Variants in CDH13 observed in about 807,000 individuals in gnomAD.
CDH13 encodes cadherin-13.
In CDH13, 24 loss-of-function variants were observed where a neutral mutation model predicts 63.8. The ratio of observed to expected loss-of-function variants is 0.38; its 90% confidence interval spans 0.27 to 0.53. CDH13 has a LOEUF of 0.53. Ranked by LOEUF, CDH13 falls within the 20% of genes least tolerant of loss-of-function variation. CDH13 has a pLI of 0.85. For missense variants in CDH13, 1,049 were observed against 903.1 expected, an observed-to-expected ratio of 1.16 and a Z score of -2.07; for synonymous variants, 503 against 355.3, an observed-to-expected ratio of 1.42 and a Z score of -4.67.
intron 3 of CDH13, among the ~76,000 whole-genome samples, chr16:83,076,809 T>C (rs72796250): frequency 0.054 from 8,158 of 152,272 alleles, 251 homozygotes; most frequent in South Asian, 0.12. Flanking sequence ...AAAATTTACA[T>C]ACTATGAAAC....
chr16:83,437,930 C>A (rs1262218833), intron 6 of CDH13, among the ~76,000 whole-genome samples: 2 of 152,124 alleles, frequency 1.3e-5, no homozygotes, highest in Non-Finnish European at 2.9e-5. Context: ...CCTTCTGCTT[C>A]CTCAAGATCT....
chr16:83,325,130 T>C (rs2090331498), intron 5 of CDH13, among the ~76,000 whole-genome samples: 2 of 152,220 alleles, frequency 1.3e-5, no homozygotes, highest in Admixed American at 6.5e-5. Flanking sequence ...CTTCCATGTT[T>C]CATAAGTTCT....
intron 1 of CDH13, among the ~76,000 whole-genome samples, chr16:82,850,772 A>G (rs565860116): frequency 7.9e-5 from 12 of 152,226 alleles, no homozygotes; most frequent in African/African-American, 2.4e-4. Context: ...AGCAGCCACC[A>G]AAATGGAGGC....
intron 10 of CDH13, among the ~76,000 whole-genome samples, chr16:83,700,423 G>C (rs184140910): frequency 6.6e-6 from 1 of 152,160 alleles, no homozygotes; most frequent in African/African-American, 2.4e-5. Flanking sequence ...TTTTTCTCCC[G>C]ATTAAAAATA....
chr16:83,368,874 G>C (rs1413548825), intron 6 of CDH13, among the ~76,000 whole-genome samples: 3 of 80,942 alleles, frequency 3.7e-5, no homozygotes, highest in Non-Finnish European at 7.0e-5. Context: ...CTGAGTAGTA[G>C]TATTCCATGT....
intron 6 of CDH13, among the ~76,000 whole-genome samples, chr16:83,345,283 A>G (rs923237408): frequency 1.3e-5 from 2 of 152,240 alleles, no homozygotes; most frequent in African/African-American, 4.8e-5. Context: ...GTTGGGCACC[A>G]TGTAAATATC....
chr16:83,509,531 A>T (rs910599039), intron 7 of CDH13, among the ~76,000 whole-genome samples: 38 of 152,356 alleles, frequency 2.5e-4, no homozygotes, highest in African/African-American at 6.5e-4. Flanking sequence ...TTACAAAAGC[A>T]GATGGTGGGC....
intron 3 of CDH13, among the ~76,000 whole-genome samples, chr16:83,057,822 C>T (rs558628651): frequency 2.0e-5 from 3 of 152,282 alleles, no homozygotes; most frequent in East Asian, 3.9e-4. Context: ...GTGCTTCCAG[C>T]ACACTTGTAT....
intron 2 of CDH13, among the ~76,000 whole-genome samples, chr16:82,897,857 A>G (rs555940429): frequency 6.6e-6 from 1 of 152,298 alleles, no homozygotes; most frequent in Admixed American, 6.5e-5. Flanking sequence ...TTCATTTATC[A>G]TTGGCCATTT....
At chr16:83,287,751 A>G (rs764441084) in intron 5 of CDH13, among the ~76,000 whole-genome samples, 31 of 152,126 alleles carry the variant, frequency 2.0e-4, no homozygotes, top group Non-Finnish European at 4.1e-4. Context: ...AATCATCCCC[A>G]AGTCATCCCC....
chr16:83,384,779 T>C (rs1012455904), intron 6 of CDH13, among the ~76,000 whole-genome samples: 10 of 152,380 alleles, frequency 6.6e-5, no homozygotes, highest in Middle Eastern at 3.4e-3. Flanking sequence ...TCTTCAGGCA[T>C]GCGCTTGGCT....
At chr16:83,250,057 G>T (rs915599984) in intron 5 of CDH13, among the ~76,000 whole-genome samples, 1 of 152,158 alleles carries the variant, frequency 6.6e-6, no homozygotes, top group Non-Finnish European at 1.5e-5. Flanking sequence ...AGTTATCCAA[G>T]ACCTTTAGTT....
At chr16:82,727,520 C>G (rs1035338212) in intron 1 of CDH13, 1 of 152,104 alleles carries the variant, frequency 6.6e-6, no homozygotes, top group Non-Finnish European at 1.5e-5. Flanking sequence ...ATTAGCCGCA[C>G]TTAGAGTTAA....
chr16:82,738,272 C>A (rs1255255439), intron 1 of CDH13, among the ~76,000 whole-genome samples: 1 of 152,158 alleles, frequency 6.6e-6, no homozygotes, highest in East Asian at 1.9e-4. Context: ...ACTGCATGGC[C>A]AATATGTTAT....
At chr16:83,737,571 C>A (rs1206882821) in intron 10 of CDH13, among the ~76,000 whole-genome samples, 1 of 152,046 alleles carries the variant, frequency 6.6e-6, no homozygotes, top group Non-Finnish European at 1.5e-5. Context: ...GAGTTATTCC[C>A]CACTAAGGAA....
In CDH13 at chr16:82,846,240, A is replaced by G. The variant is rs80098692; in HGVS notation, c.46-12122A>G. Reference sequence around the variant, plus strand: ...TTTCTAATATGTCCTTGTCTGTGACATGGTCCCAGTCCTTATTTTCATCCA... The same window carrying G: ...TTTCTAATATGTCCTTGTCTGTGACGTGGTCCCAGTCCTTATTTTCATCCA... On this transcript the variant is annotated intron_variant, in intron 1 of 13. Transcript: ENST00000567109. Among the ~76,000 whole-genome samples the G allele has an allele frequency of 3.3e-5, 5 of 152,300 alleles. No homozygotes were observed. The East Asian group carries it at 9.6e-4, about 29-fold the overall frequency.
In CDH13 at chr16:82,719,731, G is replaced by A. The variant is rs192071934; in HGVS notation, c.45+92594G>A. On this transcript the variant is annotated intron_variant, in intron 1 of 13. Transcript: ENST00000567109. Reference sequence around the variant, plus strand: ...TGTGGTGGTGGGTGTCTATAATCCCGGCTACTCGGGAGGCTGAAACAGGAG... The same window carrying A: ...TGTGGTGGTGGGTGTCTATAATCCCAGCTACTCGGGAGGCTGAAACAGGAG... Among the ~76,000 whole-genome samples the A allele has an allele frequency of 1.7e-3, 252 of 151,198 alleles. 1 individual carries two copies. The highest frequency in any genetic ancestry group is 3.4e-3 in the Middle Eastern group (1 of 294).
rs554122747 is a variant in CDH13 at position 83,250,237 on chromosome 16, G to T, written c.636+32740G>T. 2.0e-5 allele frequency among the ~76,000 whole-genome samples: 3 copies of T among 152,246 alleles called. No individual in the cohort carries two copies. The South Asian group carries it at 6.2e-4, about 32-fold the overall frequency. On this transcript the variant is annotated intron_variant, in intron 5 of 13. Coordinates refer to ENST00000567109, the MANE Select transcript of CDH13 (RefSeq NM_001257.5). ...GAAAAAAAACTCATTGACCCAATGA[G>T]CATTCAAAAAAGTCATTTTTCCTCC...
rs28522378 is a variant in CDH13 at position 82,907,301 on chromosome 16, C to T, written c.157+48828C>T. Among the ~76,000 whole-genome samples the T allele has an allele frequency of 4.8e-3, 724 of 152,232 alleles. 1 individual carries two copies. Among genetic ancestry groups the T allele is most frequent in the African/African-American group, 0.017 (689 of 41,530 alleles). ...GGCCCACAGTGACCCCCGCTGCCCC[C>T]TCCTCTTTACCCCTCACTAGGCTCC... On this transcript the variant is annotated intron_variant, in intron 2 of 13. Coordinates refer to ENST00000567109, the MANE Select transcript of CDH13 (RefSeq NM_001257.5).
Sources: allele counts gnomAD v4.1 joint callset (sites outside exome capture counted in the v4.1 genomes callset), GRCh38; gene constraint gnomAD v4.1.1; transcripts MANE v1.5; gene names NCBI Gene and HGNC (gene_info 2026-07-23, HGNC 2026-07-21).